DNM2: variants seen among roughly 807,000 people sequenced by gnomAD.
DNM2 encodes the protein dynamin 2.
DNM2 carries 15 observed loss-of-function variants against 99.0 expected under a neutral mutation model. The ratio of observed to expected loss-of-function variants is 0.15; its 90% confidence interval spans 0.10 to 0.23. The LOEUF is 0.23. Among genes scored for constraint, DNM2 ranks in the 10% least tolerant of loss-of-function variants. The probability of loss-of-function intolerance (pLI) is 1.00; values close to 1 mark genes in which losing one functional copy is unlikely to be tolerated. For missense variants in DNM2, 742 were observed against 1,189.4 expected (o/e 0.62, Z 5.53); for synonymous variants, 525 against 481.2 (o/e 1.09, Z -1.19).
intron 14 of DNM2, chr19:10,808,903 T>C (rs2072446825): frequency 6.1e-6 from 2 of 329,350 alleles, no homozygotes; most frequent in Admixed American, 4.7e-5. Flanking sequence ...CATCCCTGGC[T>C]GTGGAAGATC....
intron 1 of DNM2, among the ~76,000 whole-genome samples, chr19:10,750,925 A>T (rs1211867529): frequency 6.6e-6 from 1 of 151,780 alleles, no homozygotes; most frequent in East Asian, 1.9e-4. Context: ...TTAATAAACT[A>T]CTTAATTGTG....
In DNM2 at chr19:10,772,277, C is replaced by T. The variant is rs2071008981; in HGVS notation, c.236-202C>T. 6.6e-6 allele frequency among the ~76,000 whole-genome samples: 1 copy of T among 152,012 alleles called. No homozygotes were observed. Among genetic ancestry groups the T allele is most frequent in the African/African-American group, 2.4e-5 (1 of 41,390 alleles). Reference sequence around the variant, plus strand: ...TGTATTTTTAGTAGAGACAGGGTTTCACCATGTTAGTGAGGATGGTCTGAA... The same window carrying T: ...TGTATTTTTAGTAGAGACAGGGTTTTACCATGTTAGTGAGGATGGTCTGAA... On this transcript the variant is annotated intron_variant, in intron 2 of 20. Transcript: ENST00000389253. This position sits in a 1 kb window ranked among gnomAD's most constrained non-coding sequence, Gnocchi z 4.9.
In DNM2 at chr19:10,812,280, G is replaced by A. The variant is rs1368072745; in HGVS notation, c.1574G>A (p.Trp525Ter). 3 of 1,605,264 alleles carry A rather than the reference G, an allele frequency of 1.9e-6. No individual in the cohort carries two copies. Among genetic ancestry groups the A allele is most frequent in the Non-Finnish European group, 2.6e-6 (3 of 1,175,692 alleles). Residue 525 changes from tryptophan to a stop codon, truncating the protein, a stop_gained, in exon 15 of 21, where the codon TGG (tryptophan) becomes TAG (stop). Coordinates refer to ENST00000389253, the MANE Select transcript of DNM2 (RefSeq NM_001005361.3). LOFTEE classifies it high-confidence loss of function. The surrounding 1 kb of genome is among the most constrained non-coding windows in gnomAD (Gnocchi z 4.0). ...TTCCCCCAGGTGATCCGCAGGGGCT[G>A]GCTGACCATCAACAACATCAGCCTG... The part of the protein sequence containing the change: ...QGEILVIRRG[W>*]LTINNISLMK...
chr19:10,763,947 TG>T (rs1338065134), intron 2 of DNM2, among the ~76,000 whole-genome samples: 7 of 151,782 alleles, frequency 4.6e-5, no homozygotes, highest in African/African-American at 1.7e-4. Flanking sequence ...TGCGGGCAGA[TG>T]CCAGGCAGTC....
chr19:10,819,880 C>T (rs2072917412), intron 15 of DNM2, 100 bp from the exon 16 acceptor site: 4 of 1,074,670 alleles, frequency 3.7e-6, no homozygotes, highest in Admixed American at 1.7e-5. Flanking sequence ...CATTGAGAAG[C>T]CCCCGGGGCT....
At chr19:10,770,936 G>C (rs1405971784) in intron 2 of DNM2, among the ~76,000 whole-genome samples, 1 of 152,184 alleles carries the variant, frequency 6.6e-6, no homozygotes, top group East Asian at 1.9e-4. Context: ...GGAACTACAG[G>C]TGTGCGCCAA....
intron 7 of DNM2, among the ~76,000 whole-genome samples, chr19:10,788,593 T>A (rs1379599197): frequency 2.0e-5 from 3 of 152,156 alleles, no homozygotes; most frequent in African/African-American, 7.2e-5. Flanking sequence ...GAGCCAGACC[T>A]TGGCTAGGTT....
At position 10,736,220 on chromosome 19, in the gene DNM2, G is replaced by A. The variant is rs1261571606; in HGVS notation, c.161+17817G>A. 1.6e-4 allele frequency among the ~76,000 whole-genome samples: 24 copies of A among 150,642 alleles called. 1 individual carries two copies. Among genetic ancestry groups the A allele is most frequent in the Middle Eastern group, 3.4e-3 (1 of 292 alleles). Reference sequence around the variant, plus strand: ...GTGGAGGTTGCAGTGAGCCAAGATCGCGCTATTGCACTCCAGCCTGGGCAA... The same window carrying A: ...GTGGAGGTTGCAGTGAGCCAAGATCACGCTATTGCACTCCAGCCTGGGCAA... On this transcript the variant is annotated intron_variant, in intron 1 of 20. Transcript: ENST00000389253.
At chr19:10,755,235 C>T (rs781653298) in intron 1 of DNM2, 8 of 152,162 alleles carry the variant, frequency 5.3e-5, no homozygotes, top group Non-Finnish European at 8.8e-5. Context: ...ACAGATTCGA[C>T]CACGAAAAGG....
At chr19:10,789,337 C>T (rs1230884870) in intron 7 of DNM2, among the ~76,000 whole-genome samples, 1 of 152,122 alleles carries the variant, frequency 6.6e-6, no homozygotes, top group East Asian at 1.9e-4. Context: ...GATTGGACCT[C>T]TCTGAGCCTC....
intron 1 of DNM2, among the ~76,000 whole-genome samples, chr19:10,746,989 G>A (rs973715832): frequency 6.6e-6 from 1 of 151,294 alleles, no homozygotes; most frequent in African/African-American, 2.4e-5. Flanking sequence ...TGCCCGCCTC[G>A]GCCCCGCAAA....
chr19:10,760,784 G>A lies in DNM2; in HGVS notation c.235+973G>A, dbSNP rs894568354. 1.5e-4 allele frequency among the ~76,000 whole-genome samples: 21 copies of A among 138,996 alleles called. No homozygotes were observed. In the Admixed American group the frequency reaches 1.6e-3, roughly 10 times the overall value. 91.2% of individuals were successfully genotyped at this position (138,996 alleles called of 152,430 possible). ...AGCAATCCTCTCCAATCAGCCTCTC[G>A]GGTAGCTAGGATTACAGGTGCACAC... On this transcript the variant is annotated intron_variant, in intron 2 of 20. Transcript: ENST00000389253.
At position 10,818,641 on chromosome 19, in the gene DNM2, C is replaced by T. The variant is rs899186480; in HGVS notation, c.1672-1339C>T. Among the ~76,000 whole-genome samples the T allele has an allele frequency of 1.3e-5, 2 of 152,222 alleles. No homozygotes were observed. The highest frequency in any genetic ancestry group is 4.8e-5 in the African/African-American group (2 of 41,474). ...AGCTGGCCCCCACTTGCCAGGGAGC[C>T]CCCGCTGCCTTCTCCACAGTCACTG... On this transcript the variant is annotated intron_variant, in intron 15 of 20. Coordinates refer to ENST00000389253, the MANE Select transcript of DNM2 (RefSeq NM_001005361.3). This position sits in a 1 kb window ranked among gnomAD's most constrained non-coding sequence, Gnocchi z 4.3.
chr19:10,793,828 C>T lies in DNM2; in HGVS notation c.1101C>T (p.His367=), dbSNP rs768651920. The change falls in exon 8 of 21, where the codon CAC becomes CAT. Residue 367 remains histidine (H), a synonymous_variant. Transcript: ENST00000389253. ...GCGCCCGAATCAATCGCATCTTCCA[C>T]GAGCGGTTCCCATTTGAGCTGGTGA... is the stretch of plus-strand genomic sequence containing the variant. The part of the protein sequence containing the change: ...SGGARINRIF[H]ERFPFELVKM... 30 of 1,614,062 alleles carry T rather than the reference C, an allele frequency of 1.9e-5. No homozygotes were observed. The highest frequency in any genetic ancestry group is 2.2e-5 in the Non-Finnish European group (26 of 1,180,036).
intron 1 of DNM2, among the ~76,000 whole-genome samples, chr19:10,747,526 G>A (rs2070032377): frequency 6.6e-6 from 1 of 152,230 alleles, no homozygotes; most frequent in Admixed American, 6.5e-5. Context: ...TCAGGGAGGG[G>A]CTGCTGGGCT....
chr19:10,718,472 G>C, intron 1 of DNM2, 69 bp downstream of exon 1: 1 of 1,291,170 alleles, frequency 7.7e-7, no homozygotes, highest in Non-Finnish European at 9.8e-7. Flanking sequence ...CGGGAATGGC[G>C]CGCCGTGCGC....
At chr19:10,823,648 C>A in intron 16 of DNM2, 140 bp from the exon 17 acceptor site, 1 of 762,922 alleles carries the variant, frequency 1.3e-6, no homozygotes, top group Non-Finnish European at 2.3e-6. Context: ...ACGGTGACCC[C>A]TCAGCATGAC....
At position 10,751,772 on chromosome 19, in the gene DNM2, C is replaced by T. The variant is rs2070204312; in HGVS notation, c.162-7966C>T. ...AACTCTCCCCTGAGAGCTGCGTCTCCGTCGCCCAGGCTGTGCCCTCCTGTG... is the reference window on the plus strand; with the variant it reads ...AACTCTCCCCTGAGAGCTGCGTCTCTGTCGCCCAGGCTGTGCCCTCCTGTG... On this transcript the variant is annotated intron_variant, in intron 1 of 20. Transcript: ENST00000389253. 2.0e-5 allele frequency among the ~76,000 whole-genome samples: 3 copies of T among 152,262 alleles called. 1 individual carries two copies. The highest frequency in any genetic ancestry group is 4.1e-4 in the South Asian group (2 of 4,836).
At position 10,831,428 on chromosome 19, in the gene DNM2, A is replaced by C. The variant is rs1343848068; in HGVS notation, c.*381A>C. On this transcript the variant is annotated 3_prime_UTR_variant, in exon 21 of 21. Coordinates refer to ENST00000389253, the MANE Select transcript of DNM2 (RefSeq NM_001005361.3). The surrounding 1 kb of genome is among the most constrained non-coding windows in gnomAD (Gnocchi z 4.3). ...AGGCCTTCTATAAGTGCGGGCACCAAGGGCGCCTACATCCCCAGGCCTTGC... is the reference window on the plus strand; with the variant it reads ...AGGCCTTCTATAAGTGCGGGCACCACGGGCGCCTACATCCCCAGGCCTTGC... 1 of 1,019,874 alleles carries C rather than the reference A, an allele frequency of 9.8e-7. No homozygotes were observed. Among genetic ancestry groups the C allele is most frequent in the Non-Finnish European group, 1.2e-6 (1 of 852,704 alleles). The allele number at this position is 1,019,874 out of a possible 1,614,324, so 63.2% of individuals were successfully genotyped here. A position where few individuals can be genotyped will look rare whatever the true frequency, so the allele number is the denominator to read the frequency against.
Sources: allele counts gnomAD v4.1 joint callset (sites outside exome capture counted in the v4.1 genomes callset), GRCh38; gene constraint gnomAD v4.1.1; non-coding constraint Gnocchi (gnomAD v3.1); transcripts MANE v1.5; gene names NCBI Gene and HGNC (gene_info 2026-07-23, HGNC 2026-07-21).